Variants in TMPRSS15 observed in about 807,000 individuals in gnomAD.
TMPRSS15 encodes the protein transmembrane serine protease 15.
In TMPRSS15, 128 loss-of-function variants were observed where a neutral mutation model predicts 125.3. That is an observed-to-expected ratio of 1.02 (90% CI 0.89 to 1.18). TMPRSS15 has a LOEUF of 1.18. Among genes scored for constraint, TMPRSS15 ranks in the 50% most tolerant of loss-of-function variants. The pLI is 0.00. For missense variants in TMPRSS15, 1,283 were observed against 1,212.7 expected, an observed-to-expected ratio of 1.06 and a Z score of -0.86; for synonymous variants, 446 against 423.2, an observed-to-expected ratio of 1.05 and a Z score of -0.66.
chr21:18,280,039 C>A (rs1161230461), intron 22 of TMPRSS15, among the ~76,000 whole-genome samples: 18 of 152,122 alleles, frequency 1.2e-4, no homozygotes, highest in Admixed American at 1.2e-3. Context: ...CTAACCGTAG[C>A]AATAGTCTGC....
At chr21:18,308,650 G>T (rs1223317737) in intron 18 of TMPRSS15, among the ~76,000 whole-genome samples, 2 of 148,436 alleles carry the variant, frequency 1.3e-5, no homozygotes, top group African/African-American at 5.0e-5. Context: ...ATGCAGTTTT[G>T]TTACATAGGT....
chr21:18,292,660 T>C (rs1172846531), intron 21 of TMPRSS15, among the ~76,000 whole-genome samples: 1 of 152,216 alleles, frequency 6.6e-6, no homozygotes, highest in Non-Finnish European at 1.5e-5. Flanking sequence ...AAGGTTGATA[T>C]AGCAAGGTTG....
intron 13 of TMPRSS15, 62 bp downstream of exon 13, chr21:18,341,351 G>A: frequency 2.5e-6 from 4 of 1,602,778 alleles, no homozygotes; most frequent in South Asian, 1.1e-5. Context: ...AATTATAGCT[G>A]TGAGCCTCCA....
intron 6 of TMPRSS15, among the ~76,000 whole-genome samples, chr21:18,371,262 C>A (rs184296140): frequency 2.6e-5 from 4 of 152,104 alleles, no homozygotes; most frequent in African/African-American, 4.8e-5. Context: ...TATACTTATA[C>A]ATTGTTTATT....
At position 18,443,899 on chromosome 21, in the gene TMPRSS15, C is replaced by A. The variant is rs989627395; in HGVS notation, c.10+41900G>T. Reference sequence around the variant, plus strand: ...TGCAGCTTCCTGTTGTGGCGGGAAGCACCTGCACAGCAAAGCAGGCAACTG... The same window carrying A: ...TGCAGCTTCCTGTTGTGGCGGGAAGAACCTGCACAGCAAAGCAGGCAACTG... On this transcript the variant is annotated intron_variant, in intron 1 of 7. Transcript: ENST00000422787. 2.6e-5 allele frequency among the ~76,000 whole-genome samples: 4 copies of A among 152,242 alleles called. No individual in the cohort carries two copies. In the East Asian group the frequency reaches 7.8e-4, roughly 30 times the overall value.
chr21:18,412,937 T>C (rs2076169742), intron 1 of TMPRSS15, among the ~76,000 whole-genome samples: 1 of 152,160 alleles, frequency 6.6e-6, no homozygotes, highest in African/African-American at 2.4e-5. Context: ...CTTGGAAACG[T>C]TGTGTAAAAA....
chr21:18,372,094 T>C, intron 6 of TMPRSS15, 99 bp downstream of exon 6: 1 of 626,976 alleles, frequency 1.6e-6, no homozygotes, highest in Non-Finnish European at 2.3e-6. Flanking sequence ...TATTTGAGAT[T>C]AGAATGTGTG....
rs5842694 is a variant in TMPRSS15, at chr21:18,450,265, GT to G, written c.10+35533del. On this transcript the variant is annotated intron_variant, in intron 1 of 7. Coordinates refer to the TMPRSS15 transcript ENST00000422787. Reference sequence around the variant, plus strand: ...GCATGCAAATTTCATTGTTTTACATGTTTTTTTTTTCTAGCATATATTTCAT... The same window carrying G: ...GCATGCAAATTTCATTGTTTTACATGTTTTTTTTTCTAGCATATATTTCAT... Among the ~76,000 whole-genome samples the G allele has an allele frequency of 8.9e-3, 1,325 of 148,424 alleles. 12 individuals carry two copies. Among genetic ancestry groups the G allele is most frequent in the African/African-American group, 0.019 (788 of 40,678 alleles).
chr21:18,282,868 G>A (rs1295899039), intron 21 of TMPRSS15, among the ~76,000 whole-genome samples: 4 of 152,184 alleles, frequency 2.6e-5, no homozygotes, highest in Non-Finnish European at 4.4e-5. Context: ...TGAGTGGGGT[G>A]CCATGGGAGG....
intron 17 of TMPRSS15, among the ~76,000 whole-genome samples, chr21:18,313,799 A>T (rs1254952161): frequency 2.0e-5 from 3 of 151,762 alleles, no homozygotes; most frequent in Non-Finnish European, 4.4e-5. Flanking sequence ...AAATAAAGTT[A>T]TCTGTGAAGA....
At chr21:18,366,967 G>A (rs1473098439) in intron 6 of TMPRSS15, among the ~76,000 whole-genome samples, 6 of 151,886 alleles carry the variant, frequency 4.0e-5, no homozygotes, top group African/African-American at 1.2e-4. Flanking sequence ...TTAAAAATTA[G>A]ATAGCAAATA....
chr21:18,353,795 T>C lies in TMPRSS15; in HGVS notation c.949A>G (p.Ile317Val), dbSNP rs754301085. 4 of 1,611,910 alleles carry C rather than the reference T, an allele frequency of 2.5e-6. No homozygotes were observed. The highest frequency in any genetic ancestry group is 1.7e-4 in the Middle Eastern group (1 of 6,040). Residue 317 changes from isoleucine to valine, a missense_variant, in exon 9 of 25, where the codon ATA becomes GTA. Ile to Val is a conservative substitution (Grantham distance 29). Coordinates refer to ENST00000284885, the MANE Select transcript of TMPRSS15 (RefSeq NM_002772.3). ...ACATAATCACTTTCATCAGATTCTA[T>C]AAGAAAGGTGGCAGTAACTTGGTTG... ...FSNQVTATFL[I>V]ESDESDYVGF...
chr21:18,430,599 A>G (rs2123210030), intron 1 of TMPRSS15, among the ~76,000 whole-genome samples: 1 of 152,304 alleles, frequency 6.6e-6, no homozygotes, highest in African/African-American at 2.4e-5. Flanking sequence ...CATATCCAAT[A>G]AAAGAAGAGC....
Position 18,279,064 on chromosome 21 carries a change from A to G in TMPRSS15, c.2669-5T>C, listed in dbSNP as rs753689294. On this transcript the variant is annotated splice_polypyrimidine_tract_variant and splice_region_variant and intron_variant, in intron 22 of 24. Transcript: ENST00000284885. ...AACAAATAGGTTGTATGTAATCTGG[A>G]AAAACAAGCAAACAGCAAAACGAAC... is the stretch of plus-strand genomic sequence containing the variant. The G allele has an allele frequency of 7.0e-7, 1 of 1,426,982 alleles. No homozygotes were observed. Among genetic ancestry groups the G allele is most frequent in the Admixed American group, 1.7e-5 (1 of 58,976 alleles). The allele number at this position is 1,426,982 out of a possible 1,614,324, so 88.4% of individuals were successfully genotyped here.
intron 6 of TMPRSS15, among the ~76,000 whole-genome samples, chr21:18,367,788 G>A (rs2147038364): frequency 6.6e-6 from 1 of 152,140 alleles, no homozygotes; most frequent in Non-Finnish European, 1.5e-5. Context: ...ATGTTATGGG[G>A]GAAACTGAGG....
At chr21:18,469,519 AATC>A (rs1190358941) in intron 1 of TMPRSS15, among the ~76,000 whole-genome samples, 4 of 152,138 alleles carry the variant, frequency 2.6e-5, no homozygotes, top group African/African-American at 9.7e-5. Context: ...CTTTGTAGTA[AATC>A]ATCAGATAAT....
chr21:18,311,785 C>T (rs1233573962), intron 18 of TMPRSS15, among the ~76,000 whole-genome samples: 6 of 152,134 alleles, frequency 3.9e-5, no homozygotes, highest in Admixed American at 2.0e-4. Context: ...GATATCTGCC[C>T]TCCCATGTTT....
intron 21 of TMPRSS15, among the ~76,000 whole-genome samples, chr21:18,284,611 T>C (rs1351604144): frequency 3.3e-5 from 5 of 152,146 alleles, no homozygotes; most frequent in Admixed American, 3.3e-4. Flanking sequence ...ATCTCTTTTC[T>C]AGTAAAGGAA....
At chr21:18,426,227 T>TA (rs148477687) in intron 1 of TMPRSS15, among the ~76,000 whole-genome samples, 2,268 of 152,278 alleles carry the variant, frequency 0.015, 57 homozygotes, top group African/African-American at 0.05. Flanking sequence ...TCATGTGTTC[T>TA]ATGAAGTAGG....
Sources: allele counts gnomAD v4.1 joint callset (sites outside exome capture counted in the v4.1 genomes callset), GRCh38; gene constraint gnomAD v4.1.1; transcripts MANE v1.5; gene names NCBI Gene and HGNC (gene_info 2026-07-23, HGNC 2026-07-21).